Variants in PKHD1 observed in about 807,000 individuals in gnomAD.
PKHD1 encodes the protein PKHD1 ciliary IPT domain containing fibrocystin/polyductin.
In PKHD1, 291 loss-of-function variants were observed where a neutral mutation model predicts 412.0. The observed-to-expected ratio is 0.71, with a 90% confidence interval of 0.64 to 0.78. PKHD1 has a LOEUF of 0.78. Ranked by LOEUF, PKHD1 falls within the 30% of genes least tolerant of loss-of-function variation. The pLI is 0.00. For synonymous variants in PKHD1, 1,777 were observed against 1,821.5 expected (o/e 0.98, Z 0.62); for missense variants, 4,825 against 4,950.7 (o/e 0.97, Z 0.76).
intron 60 of PKHD1, among the ~76,000 whole-genome samples, chr6:51,666,017 G>C (rs1180521118): frequency 1.3e-5 from 2 of 152,138 alleles, no homozygotes; most frequent in South Asian, 2.1e-4. Context: ...AGTCAAGTAT[G>C]ACGGTGAGTA....
chr6:51,997,823 A>T (rs1797879070), intron 35 of PKHD1, among the ~76,000 whole-genome samples: 1 of 152,226 alleles, frequency 6.6e-6, no homozygotes, highest in African/African-American at 2.4e-5. Context: ...GAATGATATC[A>T]AATGTCCAGC....
intron 58 of PKHD1, 79 bp downstream of exon 58, chr6:51,747,708 T>C (rs1028760889): frequency 1.6e-6 from 2 of 1,287,538 alleles, no homozygotes; most frequent in Non-Finnish European, 2.3e-6. Context: ...TTTTTGTTGA[T>C]AAAATTTCAG....
chr6:52,038,178 G>A (rs1016944654), intron 27 of PKHD1, among the ~76,000 whole-genome samples: 10 of 152,172 alleles, frequency 6.6e-5, no homozygotes, highest in South Asian at 6.2e-4. Context: ...TCAGGAGTTC[G>A]AGACCAGCCT....
intron 14 of PKHD1, among the ~76,000 whole-genome samples, chr6:52,061,626 T>C (rs976269643): frequency 3.3e-5 from 5 of 151,976 alleles, no homozygotes; most frequent in Non-Finnish European, 7.4e-5. Flanking sequence ...TGAAATCTAT[T>C]AGATTGGTGC....
intron 60 of PKHD1, among the ~76,000 whole-genome samples, chr6:51,707,758 A>G (rs1683884876): frequency 6.6e-6 from 1 of 152,072 alleles, no homozygotes; most frequent in Non-Finnish European, 1.5e-5. Flanking sequence ...CAGATCCAAT[A>G]ATTTCTTCTC....
chr6:52,060,271 T>C (rs577686125), intron 14 of PKHD1, among the ~76,000 whole-genome samples: 1 of 152,354 alleles, frequency 6.6e-6, no homozygotes, highest in Non-Finnish European at 1.5e-5. Flanking sequence ...TGTTGTGTCA[T>C]GTTTGGGAAA....
At chr6:51,768,056 T>C (rs552354219) in intron 55 of PKHD1, among the ~76,000 whole-genome samples, 1 of 152,300 alleles carries the variant, frequency 6.6e-6, no homozygotes, top group South Asian at 2.1e-4. Context: ...TTTGCATTTC[T>C]CTGATGGCCA....
chr6:51,954,310 A>G (rs1169720780), intron 36 of PKHD1, among the ~76,000 whole-genome samples: 1 of 152,078 alleles, frequency 6.6e-6, no homozygotes, highest in Non-Finnish European at 1.5e-5. Flanking sequence ...TGTCATTATA[A>G]CCAGGTATCA....
At chr6:52,028,028 TATG>T in intron 30 of PKHD1, 125 bp downstream of exon 30, 3 of 1,192,652 alleles carry the variant, frequency 2.5e-6, no homozygotes, top group Non-Finnish European at 3.8e-6. Flanking sequence ...GTTCCAATGT[TATG>T]ATGTTCATGT....
intron 21 of PKHD1, among the ~76,000 whole-genome samples, chr6:52,051,531 AT>A (rs1806846629): frequency 6.6e-6 from 1 of 152,180 alleles, no homozygotes; most frequent in South Asian, 2.1e-4. Flanking sequence ...TGCTACCCCC[AT>A]CTTCCCTCTT....
intron 51 of PKHD1, among the ~76,000 whole-genome samples, chr6:51,834,618 A>G (rs545389708): frequency 6.6e-6 from 1 of 152,282 alleles, no homozygotes; most frequent in African/African-American, 2.4e-5. Context: ...AGAGCTACTC[A>G]TTAAACAAAA....
intron 60 of PKHD1, among the ~76,000 whole-genome samples, chr6:51,665,631 ACACT>A (rs1057147847): frequency 1.3e-5 from 2 of 152,168 alleles, no homozygotes; most frequent in African/African-American, 2.4e-5. Context: ...AACCAGTCTA[ACACT>A]CACAATGAAA....
intron 47 of PKHD1, 131 bp from the exon 48 acceptor site, chr6:51,868,240 A>C: frequency 1.1e-6 from 1 of 886,160 alleles, no homozygotes; most frequent in Non-Finnish European, 1.8e-6. Context: ...TGCAAGAAAA[A>C]AAGTGTTTTC....
intron 36 of PKHD1, among the ~76,000 whole-genome samples, chr6:51,943,043 C>T (rs996787296): frequency 6.6e-6 from 1 of 151,562 alleles, no homozygotes; most frequent in African/African-American, 2.4e-5. Context: ...CTAAGAAGGC[C>T]ACCACGGTCA....
At chr6:51,889,051 G>C (rs1778683724) in intron 43 of PKHD1, among the ~76,000 whole-genome samples, 2 of 152,038 alleles carry the variant, frequency 1.3e-5, no homozygotes, top group Non-Finnish European at 2.9e-5. Context: ...GGAATAGGCT[G>C]CTCAGGTGTA....
intron 53 of PKHD1, among the ~76,000 whole-genome samples, chr6:51,780,071 A>G (rs896725807): frequency 6.6e-6 from 1 of 152,272 alleles, no homozygotes; most frequent in Non-Finnish European, 1.5e-5. Flanking sequence ...GATCTTTCCA[A>G]TTATCAAAGA....
At position 51,987,211 on chromosome 6, in the gene PKHD1, TTAAA is replaced by T. The variant is rs573597765; in HGVS notation, c.5751+23094_5751+23097del. Among the ~76,000 whole-genome samples the T allele has an allele frequency of 1.5e-4, 23 of 152,260 alleles. 1 individual carries two copies. The highest frequency in any genetic ancestry group is 4.1e-4 in the African/African-American group (17 of 41,548). On this transcript the variant is annotated intron_variant, in intron 35 of 66. Coordinates refer to ENST00000371117, the MANE Select transcript of PKHD1 (RefSeq NM_138694.4). The stretch of plus-strand genomic sequence containing the variant: ...TCAATACCCCCATTTTGGTAGCACA[TTAAA>T]TAAATTGATCTGGATTTGGAAAATA...
intron 43 of PKHD1, among the ~76,000 whole-genome samples, chr6:51,895,757 G>A (rs562242021): frequency 2.6e-5 from 4 of 152,058 alleles, no homozygotes; most frequent in Admixed American, 6.5e-5. Context: ...CTGAGGTACC[G>A]GGTTCATCTC....
chr6:52,045,978 G>A (rs757441663), intron 24 of PKHD1, 26 bp downstream of exon 24: 2 of 1,526,804 alleles, frequency 1.3e-6, no homozygotes, highest in Non-Finnish European at 1.8e-6. Flanking sequence ...GCAAATCCAT[G>A]CCACTAGAAG....
Sources: gnomAD v4.1 joint callset for allele counts (sites outside exome capture counted in the v4.1 genomes callset) on GRCh38, gnomAD v4.1.1 for gene constraint, MANE v1.5 for transcripts, NCBI Gene and HGNC (gene_info 2026-07-23, HGNC 2026-07-21) for gene names.